MRTFB: variants seen among roughly 807,000 people sequenced by gnomAD.
The protein encoded by MRTFB is myocardin related transcription factor B, also known as myocardin-related transcription factor B.
A neutral mutation model predicts 104.2 loss-of-function variants in MRTFB; 29 were observed. The observed-to-expected ratio is 0.28, with a 90% CI of 0.21 to 0.38. MRTFB has a LOEUF of 0.38. MRTFB is among the 10% of genes least tolerant of loss of function. The pLI is 1.00. For missense variants in MRTFB, 1,270 were observed against 1,341.6 expected (o/e 0.95, Z 0.83); for synonymous variants, 535 against 519.5 (o/e 1.03, Z -0.41).
At chr16:14,072,794 A>G (rs1458962090) in intron 1 of MRTFB, among the ~76,000 whole-genome samples, 1 of 152,232 alleles carries the variant, frequency 6.6e-6, no homozygotes, top group Non-Finnish European at 1.5e-5. Flanking sequence ...TAGGGATAAC[A>G]TGGCAAGACA....
chr16:14,205,824 T>C (rs2040916467), intron 3 of MRTFB, among the ~76,000 whole-genome samples: 1 of 152,228 alleles, frequency 6.6e-6, no homozygotes, highest in Non-Finnish European at 1.5e-5. Flanking sequence ...AGACGGAGGC[T>C]ATGATGTCAA....
rs1175197831 is a variant in MRTFB at position 14,144,988 on chromosome 16, A to ATATATG, written c.154+4233_154+4234insGTATAT. ...TAAATAAATATATACATACATATAT[A>ATATATG]TATATATGTATATATATATATATAA... is the stretch of plus-strand genomic sequence containing the variant. On this transcript the variant is annotated intron_variant, in intron 3 of 16. Transcript: ENST00000571589. 1.7e-3 allele frequency among the ~76,000 whole-genome samples: 173 copies of ATATATG among 104,560 alleles called. 2 individuals are homozygous for ATATATG. The highest frequency in any genetic ancestry group is 0.014 in the African/African-American group (169 of 12,500). 68.6% of individuals were successfully genotyped at this position (104,560 alleles called of 152,430 possible). A position where few individuals can be genotyped will look rare whatever the true frequency, so the allele number is the denominator to read the frequency against.
At chr16:14,056,960 T>G in the MRTFB span, among the ~76,000 whole-genome samples, 1 of 152,204 alleles carries the variant, frequency 6.6e-6, no homozygotes, top group African/African-American at 2.4e-5. Flanking sequence ...CCTGGTAAGC[T>G]GTAAAAATAT....
At chr16:14,229,236 C>T (rs1369665702) in intron 8 of MRTFB, among the ~76,000 whole-genome samples, 1 of 152,050 alleles carries the variant, frequency 6.6e-6, no homozygotes, top group Non-Finnish European at 1.5e-5. Flanking sequence ...AATGCTTAAA[C>T]TTATAGGAAC....
chr16:14,092,553 A>C (rs1242167694), intron 2 of MRTFB, among the ~76,000 whole-genome samples: 1 of 152,120 alleles, frequency 6.6e-6, no homozygotes, highest in Non-Finnish European at 1.5e-5. Flanking sequence ...TTTAGTTTTT[A>C]ATGCCAGTAA....
At chr16:14,104,039 C>T (rs752148339) in intron 2 of MRTFB, among the ~76,000 whole-genome samples, 1 of 152,166 alleles carries the variant, frequency 6.6e-6, no homozygotes, top group Non-Finnish European at 1.5e-5. Context: ...GACATTTGTA[C>T]TGAAGTATAA....
chr16:14,094,465 C>T (rs901405856), intron 2 of MRTFB, among the ~76,000 whole-genome samples: 1 of 152,160 alleles, frequency 6.6e-6, no homozygotes, highest in Non-Finnish European at 1.5e-5. Context: ...TATATGTAAG[C>T]AGATGAGATA....
At chr16:14,222,885 A>AAAGAT (rs561354969) in intron 8 of MRTFB, among the ~76,000 whole-genome samples, 4 of 152,210 alleles carry the variant, frequency 2.6e-5, no homozygotes, top group Admixed American at 6.5e-5. Flanking sequence ...ATTTTCAACA[A>AAAGAT]AAGATACAAA....
chr16:14,210,613 A>C (rs892502090), intron 4 of MRTFB, among the ~76,000 whole-genome samples: 1 of 152,124 alleles, frequency 6.6e-6, no homozygotes, highest in African/African-American at 2.4e-5. Flanking sequence ...AAATGACTAA[A>C]GTAATCACTA....
At chr16:14,012,001 G>A in the MRTFB span, among the ~76,000 whole-genome samples, 3 of 152,178 alleles carry the variant, frequency 2.0e-5, no homozygotes, top group Admixed American at 6.5e-5. Flanking sequence ...ACTAATGGCT[G>A]TCACCCAGCA....
chr16:14,211,733 G>T (rs1363814213), intron 4 of MRTFB, among the ~76,000 whole-genome samples: 1 of 152,154 alleles, frequency 6.6e-6, no homozygotes, highest in Non-Finnish European at 1.5e-5. Context: ...TTGCACTGTG[G>T]TATGGTAGAA....
Position 14,240,377 on chromosome 16 carries a change from T to C in MRTFB, c.972T>C (p.Ser324=). 1.2e-6 allele frequency: 2 copies of C among 1,614,184 alleles called. No homozygotes were observed. Among genetic ancestry groups the C allele is most frequent in the Non-Finnish European group, 1.7e-6 (2 of 1,180,022 alleles). ...KGEKNEPQMD[S]NYARLLQQQQ... ...AGAAGAATGAGCCGCAGATGGACTCTAACTACGCCCGCCTGCTCCAGCAGC... is the reference window on the plus strand; with the variant it reads ...AGAAGAATGAGCCGCAGATGGACTCCAACTACGCCCGCCTGCTCCAGCAGC... The change falls in exon 10 of 17, where the codon TCT becomes TCC. Residue 324 remains serine (S), a synonymous_variant. Coordinates refer to ENST00000571589, the MANE Select transcript of MRTFB (RefSeq NM_001308142.2).
At chr16:14,162,152 C>CAAAAAAA (rs376183467) in intron 3 of MRTFB, among the ~76,000 whole-genome samples, 33 of 62,636 alleles carry the variant, frequency 5.3e-4, no homozygotes, top group African/African-American at 1.1e-3. Flanking sequence ...CCTGTCTCTA[C>CAAAAAAA]AAAAAAAAAA....
chr16:14,098,005 G>A (rs533894635), intron 2 of MRTFB, among the ~76,000 whole-genome samples: 1 of 152,232 alleles, frequency 6.6e-6, no homozygotes, highest in East Asian at 1.9e-4. Context: ...TGTGTTTACT[G>A]TTGATGGCCA....
At chr16:14,025,797 T>C in the MRTFB span, among the ~76,000 whole-genome samples, 1 of 152,134 alleles carries the variant, frequency 6.6e-6, no homozygotes, top group Non-Finnish European at 1.5e-5. Flanking sequence ...AAGGGCACCA[T>C]GCAAAAAAAT....
chr16:14,144,590 G>T (rs1027865625), intron 3 of MRTFB: 4 of 152,102 alleles, frequency 2.6e-5, no homozygotes, highest in African/African-American at 9.7e-5. Flanking sequence ...TTGAAATAAT[G>T]ATGTGTTAAT....
At chr16:14,057,983 A>G in the MRTFB span, among the ~76,000 whole-genome samples, 45 of 152,202 alleles carry the variant, frequency 3.0e-4, no homozygotes, top group Non-Finnish European at 5.7e-4. Flanking sequence ...CCACCTTCAC[A>G]GTGACCTGAG....
At chr16:14,091,737 G>C (rs1416496683) in intron 2 of MRTFB, among the ~76,000 whole-genome samples, 1 of 152,066 alleles carries the variant, frequency 6.6e-6, no homozygotes, top group Non-Finnish European at 1.5e-5. Context: ...GCTCACACCT[G>C]TAATCCCAGC....
At chr16:14,235,090 G>A (rs976749970) in intron 9 of MRTFB, among the ~76,000 whole-genome samples, 15 of 152,106 alleles carry the variant, frequency 9.9e-5, no homozygotes, top group African/African-American at 3.6e-4. Flanking sequence ...CCAACCTCCC[G>A]AATCCAAGTC....
Sources: allele counts gnomAD v4.1 joint callset (sites outside exome capture counted in the v4.1 genomes callset), GRCh38; gene constraint gnomAD v4.1.1; transcripts MANE v1.5; gene names NCBI Gene and HGNC (gene_info 2026-07-23, HGNC 2026-07-21).